PHLDB2: variants seen among roughly 807,000 people sequenced by gnomAD.
The protein encoded by PHLDB2 is pleckstrin homology like domain family B member 2, also known as pleckstrin homology-like domain family B member 2.
A neutral mutation model predicts 123.6 loss-of-function variants in PHLDB2; 71 were observed. That is an observed-to-expected ratio of 0.57 (90% CI 0.47 to 0.70). PHLDB2 has a LOEUF of 0.70. PHLDB2 is among the 30% of genes least tolerant of loss of function. The probability of loss-of-function intolerance (pLI) is 0.00; values close to 1 mark genes in which losing one functional copy is unlikely to be tolerated. For missense variants in PHLDB2, 1,446 were observed against 1,519.5 expected (o/e 0.95, Z 0.80); for synonymous variants, 547 against 541.6 (o/e 1.01, Z -0.14).
intron 5 of PHLDB2, among the ~76,000 whole-genome samples, chr3:111,921,695 G>T (rs949479062): frequency 1.4e-5 from 2 of 144,854 alleles, no homozygotes; most frequent in African/African-American, 2.6e-5. Context: ...GCTCCGCCTC[G>T]CAGGTTCAGC....
intron 5 of PHLDB2, among the ~76,000 whole-genome samples, chr3:111,922,355 G>A (rs1169813490): frequency 6.6e-6 from 1 of 152,196 alleles, no homozygotes; most frequent in African/African-American, 2.4e-5. Flanking sequence ...GTTATCTTAT[G>A]TTTTCAAGGT....
At chr3:111,796,800 A>G (rs1415474279) in intron 1 of PHLDB2, among the ~76,000 whole-genome samples, 1 of 152,216 alleles carries the variant, frequency 6.6e-6, no homozygotes. Context: ...AGCATGAGCC[A>G]CTGTGCCTGG....
chr3:111,895,982 A>C (rs950130534), intron 2 of PHLDB2, among the ~76,000 whole-genome samples: 3 of 152,070 alleles, frequency 2.0e-5, no homozygotes, highest in African/African-American at 7.2e-5. Flanking sequence ...CAAATTACTT[A>C]GTATATCTAT....
At chr3:111,958,368 G>A (rs1204318616) in intron 12 of PHLDB2, 1 of 908,586 alleles carries the variant, frequency 1.1e-6, no homozygotes, top group East Asian at 1.0e-4. Context: ...TATACTTTAA[G>A]TCATCTTACT....
At chr3:111,763,894 G>T (rs961845835) in intron 1 of PHLDB2, among the ~76,000 whole-genome samples, 5 of 152,150 alleles carry the variant, frequency 3.3e-5, no homozygotes, top group Non-Finnish European at 4.4e-5. Context: ...TGTGAGGAAT[G>T]AATTCTGTTT....
At chr3:111,816,198 G>A (rs2062070030) in intron 1 of PHLDB2, among the ~76,000 whole-genome samples, 1 of 152,206 alleles carries the variant, frequency 6.6e-6, no homozygotes, top group South Asian at 2.1e-4. Flanking sequence ...GAAATTTGGG[G>A]TCAGAGCCCC....
intron 1 of PHLDB2, among the ~76,000 whole-genome samples, chr3:111,870,958 G>A (rs2065310324): frequency 1.3e-5 from 2 of 152,164 alleles, no homozygotes; most frequent in South Asian, 4.2e-4. Context: ...TGCAGGGCAT[G>A]AGTATAGACT....
intron 1 of PHLDB2, among the ~76,000 whole-genome samples, chr3:111,745,276 A>G (rs986164701): frequency 2.0e-5 from 3 of 152,252 alleles, no homozygotes; most frequent in Non-Finnish European, 4.4e-5. Flanking sequence ...ACATAGGTGG[A>G]AATGTGAAAA....
chr3:111,947,397 A>T (rs1300194466), intron 9 of PHLDB2, among the ~76,000 whole-genome samples: 1 of 152,148 alleles, frequency 6.6e-6, no homozygotes, highest in African/African-American at 2.4e-5. Flanking sequence ...CTGTGTGTTC[A>T]CTTTCCTGTA....
At chr3:111,753,375 T>C (rs1434341373) in intron 1 of PHLDB2, among the ~76,000 whole-genome samples, 1 of 150,836 alleles carries the variant, frequency 6.6e-6, no homozygotes, top group Non-Finnish European at 1.5e-5. Flanking sequence ...ACTGTGGTTT[T>C]GATTTGCATG....
chr3:111,746,557 G>T (rs1275104590), intron 1 of PHLDB2, among the ~76,000 whole-genome samples: 1 of 152,102 alleles, frequency 6.6e-6, no homozygotes, highest in East Asian at 1.9e-4. Context: ...GAAGCCAAGG[G>T]TTTAAGACCA....
intron 1 of PHLDB2, among the ~76,000 whole-genome samples, chr3:111,825,046 A>G (rs993741729): frequency 5.3e-5 from 8 of 152,366 alleles, no homozygotes; most frequent in Admixed American, 2.6e-4. Context: ...AGACTATTTC[A>G]TGGTAAACCC....
intron 1 of PHLDB2, among the ~76,000 whole-genome samples, chr3:111,867,267 C>A (rs1689404258): frequency 6.6e-6 from 1 of 151,968 alleles, no homozygotes; most frequent in South Asian, 2.1e-4. Context: ...AGTGATATGA[C>A]CCCAACCTTC....
chr3:111,894,984 G>A (rs984674996), intron 2 of PHLDB2, among the ~76,000 whole-genome samples: 18 of 151,268 alleles, frequency 1.2e-4, no homozygotes, highest in Middle Eastern at 3.2e-3. Context: ...GTGTGTATAT[G>A]TTGATTAAAT....
At chr3:111,944,143 G>A (rs1266076813) in intron 8 of PHLDB2, among the ~76,000 whole-genome samples, 1 of 152,174 alleles carries the variant, frequency 6.6e-6, no homozygotes, top group Non-Finnish European at 1.5e-5. Context: ...TTTATATAAA[G>A]TGGTTACATT....
chr3:111,933,383 C>T (rs999346029), intron 6 of PHLDB2, among the ~76,000 whole-genome samples: 1 of 152,156 alleles, frequency 6.6e-6, no homozygotes, highest in East Asian at 1.9e-4. Flanking sequence ...CATCCTTAAA[C>T]GTTCTTAAGA....
intron 3 of PHLDB2, among the ~76,000 whole-genome samples, chr3:111,917,927 T>G (rs1389062986): frequency 6.6e-6 from 1 of 152,172 alleles, no homozygotes; most frequent in Non-Finnish European, 1.5e-5. Flanking sequence ...TGACAAATAT[T>G]CAATAATTTA....
intron 5 of PHLDB2, among the ~76,000 whole-genome samples, chr3:111,931,017 A>T (rs2069116825): frequency 6.6e-6 from 1 of 152,238 alleles, no homozygotes; most frequent in Non-Finnish European, 1.5e-5. Flanking sequence ...TACGGAATCT[A>T]TGTGTTTATG....
At chr3:111,806,541 G>A (rs2061597825) in intron 1 of PHLDB2, among the ~76,000 whole-genome samples, 1 of 150,558 alleles carries the variant, frequency 6.6e-6, no homozygotes, top group African/African-American at 2.5e-5. Context: ...CTGGAGTGCA[G>A]TGGCTCAATC....
Sources: gnomAD v4.1 joint callset for allele counts (sites outside exome capture counted in the v4.1 genomes callset) on GRCh38, gnomAD v4.1.1 for gene constraint, MANE v1.5 for transcripts, NCBI Gene and HGNC (gene_info 2026-07-23, HGNC 2026-07-21) for gene names.